KRT84: variants seen among roughly 807,000 people sequenced by gnomAD.
KRT84 encodes keratin 84.
In KRT84, 38 loss-of-function variants were observed where a neutral mutation model predicts 49.0. The observed-to-expected ratio is 0.78, with a 90% CI of 0.60 to 1.02. KRT84 has a LOEUF of 1.02. KRT84 is among the 50% of genes least tolerant of loss of function. The probability of loss-of-function intolerance (pLI) is 0.00; values close to 1 mark genes in which losing one functional copy is unlikely to be tolerated. For missense variants in KRT84, 860 were observed against 788.6 expected (o/e 1.09, Z -1.08); for synonymous variants, 334 against 312.8 (o/e 1.07, Z -0.72).
At position 52,378,356 on chromosome 12, in the gene KRT84, A is replaced by ATTGCATTTGACTATAGAGCAAGTAG; in HGVS notation, c.1480_1481insCTACTTGCTCTATAGTCAAATGCAA (p.Leu494ProfsTer14). 6.8e-7 allele frequency: 1 copy of ATTGCATTTGACTATAGAGCAAGTAG among 1,480,560 alleles called. No homozygotes were observed. Among genetic ancestry groups the ATTGCATTTGACTATAGAGCAAGTAG allele is most frequent in the South Asian group, 1.3e-5 (1 of 75,644 alleles). The allele number at this position is 1,480,560 out of a possible 1,614,324, so 91.7% of individuals were successfully genotyped here. On this transcript the variant is annotated frameshift_variant, in exon 9 of 9. Coordinates refer to ENST00000257951, the MANE Select transcript of KRT84 (RefSeq NM_033045.4). LOFTEE classifies it low-confidence loss of function (END_TRUNC). The stretch of plus-strand genomic sequence containing the variant: ...AACCAAAGGCTCAGGCCCGCACACC[A>ATTGCATTTGACTATAGAGCAAGTAG]GGCCGCCCCGGGAGCTGCTGACGGC...
Position 52,378,124 on chromosome 12 carries a change from G to C in KRT84, c.1713C>G (p.Pro571=), listed in dbSNP as rs1169973740. Residue 571 remains proline, a synonymous_variant, in exon 9 of 9, where the codon CCC becomes CCG. Transcript: ENST00000257951. ...TGCAGCTGCTGAAGCCCCCCTGGGTGGGCAGGGGGCAGGGGACGCTGGGGA... is the reference window on the plus strand; with the variant it reads ...TGCAGCTGCTGAAGCCCCCCTGGGTCGGCAGGGGGCAGGGGACGCTGGGGA... ...ACVPSVPCPL[P]TQGGFSSCSG... 2.6e-6 allele frequency: 4 copies of C among 1,543,398 alleles called. No homozygotes were observed. In the African/African-American group the frequency reaches 4.2e-5, roughly 16 times the overall value.
At chr12:52,381,600 A>T in intron 4 of KRT84, 75 bp from the exon 5 acceptor site, 1 of 1,479,506 alleles carries the variant, frequency 6.8e-7, no homozygotes, top group African/African-American at 1.4e-5. Context: ...CAGGGGGCCC[A>T]GGAAGTGGTG....
intron 7 of KRT84, 47 bp downstream of exon 7, chr12:52,380,316 G>A: frequency 6.2e-7 from 1 of 1,600,574 alleles, no homozygotes; most frequent in Non-Finnish European, 8.5e-7. Flanking sequence ...AGTCTTTCTA[G>A]ATGCCTAAGT....
upstream of KRT84, among the ~76,000 whole-genome samples, chr12:52,386,010 G>A (rs890563081): frequency 1.3e-5 from 2 of 152,158 alleles, no homozygotes; most frequent in Middle Eastern, 3.2e-3. Context: ...TTAGGATGGC[G>A]ACAGCTCCAG....
In KRT84 at chr12:52,380,383, C is replaced by G. The variant is rs1939459886; in HGVS notation, c.1404G>C (p.Leu468=). The G allele has an allele frequency of 6.2e-7, 1 of 1,613,990 alleles. No individual in the cohort carries two copies. The highest frequency in any genetic ancestry group is 2.2e-5 in the East Asian group (1 of 44,894). ...CTCACCGGCTCTCCTCGCCCTCCAG[C>G]AGGCGCCTGTAGGTGGCGATCTCGA... ...LDIEIATYRR[L]LEGEESRLCE... is the part of the protein sequence containing the mutation. The change falls in exon 7 of 9, where the codon CTG becomes CTC. Residue 468 remains leucine (L), a synonymous_variant. Coordinates refer to ENST00000257951, the MANE Select transcript of KRT84 (RefSeq NM_033045.4).
chr12:52,384,581 T>C (rs1939542294), intron 1 of KRT84, among the ~76,000 whole-genome samples: 1 of 152,192 alleles, frequency 6.6e-6, no homozygotes, highest in African/African-American at 2.4e-5. Context: ...TCTCTACTTT[T>C]CTAAGCCTGA....
Position 52,378,283 on chromosome 12 carries a change from GC to G in KRT84, c.1553del (p.Ser518ThrfsTer30). The G allele has an allele frequency of 6.5e-7, 1 of 1,547,098 alleles. No individual in the cohort carries two copies. The highest frequency in any genetic ancestry group is 8.7e-7 in the Non-Finnish European group (1 of 1,147,862). On this transcript the variant is annotated frameshift_variant, in exon 9 of 9. Transcript: ENST00000257951. LOFTEE classifies it low-confidence loss of function (END_TRUNC). ...SRGGVTFSGS[S>X]SVCATSGVLA... ...GGACCCCACTGGTGGCACAGACGCT[GC>G]TGCTACCTGAGAAGGTGACCCCGCC... is the stretch of plus-strand genomic sequence containing the variant.
chr12:52,380,668 G>A, intron 6 of KRT84, 85 bp from the exon 7 acceptor site: 2 of 1,360,962 alleles, frequency 1.5e-6, no homozygotes, highest in Non-Finnish European at 2.0e-6. Context: ...CTCTTAGTGG[G>A]AACATAGCCT....
Position 52,380,481 on chromosome 12 carries a change from G to C in KRT84, c.1306C>G (p.Gln436Glu). 1.2e-6 allele frequency: 2 copies of C among 1,613,978 alleles called. No homozygotes were observed. Among genetic ancestry groups the C allele is most frequent in the East Asian group, 2.2e-5 (1 of 44,882 alleles). Residue 436 changes from glutamine (Q) to glutamate (E), a missense_variant, in exon 7 of 9, where the codon CAG (glutamine) becomes GAG (glutamate). Physicochemically the swap from Gln to Glu is conservative, Grantham distance 29 (BLOSUM62 2). Transcript: ENST00000257951. ...TGCCGCGCCATGTCCTGCTTGGCCT[G>C]CTGCAGGGCACACTCCAGATCTGCC... is the stretch of plus-strand genomic sequence containing the variant. ...KLADLECALQ[Q>E]AKQDMARQLC...
chr12:52,386,286 A>G (rs1254649319), upstream of KRT84, among the ~76,000 whole-genome samples: 1 of 152,120 alleles, frequency 6.6e-6, no homozygotes, highest in East Asian at 1.9e-4. Context: ...TTCATTCTAC[A>G]GTTTTAGAGT....
chr12:52,381,586 G>A (rs779571891), intron 4 of KRT84, 61 bp from the exon 5 acceptor site: 244 of 1,529,794 alleles, frequency 1.6e-4, no homozygotes, highest in Admixed American at 1.8e-4. Flanking sequence ...CTGGGACTCT[G>A]CCACAGGGGG....
Position 52,378,279 on chromosome 12 carries a change from C to CGCT in KRT84, c.1555_1557dup (p.Ser519dup). ...GCCAGGACCCCACTGGTGGCACAGA[C>CGCT]GCTGCTGCTACCTGAGAAGGTGACC... On this transcript the variant is annotated inframe_insertion, in exon 9 of 9. Transcript: ENST00000257951. 1.3e-6 allele frequency: 2 copies of CGCT among 1,548,820 alleles called. No individual in the cohort carries two copies. The highest frequency in any genetic ancestry group is 1.7e-6 in the Non-Finnish European group (2 of 1,148,610).
intron 1 of KRT84, among the ~76,000 whole-genome samples, chr12:52,384,036 A>T (rs1029833543): frequency 1.4e-4 from 21 of 152,202 alleles, no homozygotes; most frequent in Non-Finnish European, 2.1e-4. Flanking sequence ...CTTCAGTACC[A>T]TTCCCCTATC....
In KRT84 at chr12:52,380,356, T is replaced by C. The variant is rs753672184; in HGVS notation, c.1424+7A>G. 6.2e-7 allele frequency: 1 copy of C among 1,613,640 alleles called. No individual in the cohort carries two copies. Among genetic ancestry groups the C allele is most frequent in the Admixed American group, 1.7e-5 (1 of 60,024 alleles). On this transcript the variant is annotated splice_region_variant and intron_variant, in intron 7 of 8. Transcript: ENST00000257951. ...CTTCACTCTCCTGCTGGACTGAGAG[T>C]ACTCACCGGCTCTCCTCGCCCTCCA...
chr12:52,378,754 T>C (rs1045198416), intron 8 of KRT84, among the ~76,000 whole-genome samples: 1 of 152,202 alleles, frequency 6.6e-6, no homozygotes, highest in African/African-American at 2.4e-5. Context: ...GCCATGGGCC[T>C]TTTCTCTTCC....
In KRT84 at chr12:52,381,102, T is replaced by C; in HGVS notation, c.1181A>G (p.Glu394Gly). The C allele has an allele frequency of 6.2e-7, 1 of 1,614,118 alleles. No homozygotes were observed. Residue 394 changes from glutamate (E) to glycine (G), a missense_variant, in exon 6 of 9, where the codon GAG becomes GGG. Physicochemically the swap from Glu to Gly is moderately conservative, Grantham distance 98. Coordinates refer to ENST00000257951, the MANE Select transcript of KRT84 (RefSeq NM_033045.4). ...CACCTGAGCCTTGGCGTGCTCAATC[T>C]CTGCCTTAAGCCTCTGGATCAGGCG... ...LTRLIQRLKA[E>G]IEHAKAQRAK...
At chr12:52,384,989 G>T (rs1441177050) in intron 1 of KRT84, 51 bp downstream of exon 1, 7 of 1,542,022 alleles carry the variant, frequency 4.5e-6, no homozygotes, top group Admixed American at 3.9e-5. Flanking sequence ...GCACTCTAGC[G>T]CATTTTGGCT....
intron 6 of KRT84, 102 bp downstream of exon 6, chr12:52,380,978 G>T: frequency 6.8e-7 from 1 of 1,464,850 alleles, no homozygotes; most frequent in South Asian, 1.3e-5. Context: ...CTTGGTTTCT[G>T]GGTCTTGATG....
Position 52,385,542 on chromosome 12 carries a change from C to T in KRT84, c.44G>A (p.Gly15Asp), listed in dbSNP as rs771072861. The T allele has an allele frequency of 2.5e-6, 4 of 1,613,982 alleles. No individual in the cohort carries two copies. The highest frequency in any genetic ancestry group is 1.7e-5 in the Admixed American group (1 of 60,008). ...CATTGCTGAACAAGAGCTGAAGTTG[C>T]CCACCCGGTGACCAGAGCTGACTCG... ...SYRVSSGHRV[G>D]NFSSCSAMTP... Residue 15 changes from glycine to aspartate, a missense_variant, in exon 1 of 9, where the codon GGC (glycine) becomes GAC (aspartate). Physicochemically the swap from Gly to Asp is moderately conservative, Grantham distance 94. Coordinates refer to ENST00000257951, the MANE Select transcript of KRT84 (RefSeq NM_033045.4).
Sources: allele counts gnomAD v4.1 joint callset (sites outside exome capture counted in the v4.1 genomes callset), GRCh38; gene constraint gnomAD v4.1.1; transcripts MANE v1.5; gene names NCBI Gene and HGNC (gene_info 2026-07-23, HGNC 2026-07-21).